Variants in CACNB4 observed in about 807,000 individuals in gnomAD.
The protein encoded by CACNB4 is calcium voltage-gated channel auxiliary subunit beta 4, also known as voltage-dependent L-type calcium channel subunit beta-4.
A neutral mutation model predicts 71.2 loss-of-function variants in CACNB4; 32 were observed. That is an observed-to-expected ratio of 0.45 (90% CI 0.34 to 0.60). The LOEUF (loss-of-function observed/expected upper bound fraction) is 0.60. Among genes scored for constraint, CACNB4 ranks in the 20% least tolerant of loss-of-function variants. The pLI, the probability that CACNB4 is intolerant of heterozygous loss-of-function variation, is 0.01. For synonymous variants in CACNB4, 231 were observed against 236.9 expected (o/e 0.97, Z 0.23); for missense variants, 464 against 647.9 (o/e 0.72, Z 3.08).
chr2:152,011,655 T>C (rs1195077851), intron 2 of CACNB4, among the ~76,000 whole-genome samples: 2 of 152,202 alleles, frequency 1.3e-5, no homozygotes, highest in Non-Finnish European at 2.9e-5. Flanking sequence ...GCTTCTTTCT[T>C]TGGAATCCCA....
chr2:151,988,817 G>A (rs1456419263), intron 2 of CACNB4, among the ~76,000 whole-genome samples: 1 of 152,016 alleles, frequency 6.6e-6, no homozygotes, highest in Non-Finnish European at 1.5e-5. Context: ...CATCACTTTG[G>A]GCATTAAGAT....
chr2:151,872,340 A>G lies in CACNB4; in HGVS notation c.598+77T>C, dbSNP rs143589003. The G allele has an allele frequency of 5.2e-4, 419 of 799,852 alleles. 1 individual carries two copies. The African/African-American group carries it at 6.5e-3, about 12-fold the overall frequency. 49.5% of individuals were successfully genotyped at this position (799,852 alleles called of 1,614,324 possible). A position where few individuals can be genotyped will look rare whatever the true frequency, so the allele number is the denominator to read the frequency against. ...GCCTTCAAATTGTTTCCAAATTAGC[A>G]AAACTACTTGCATGTGTGTTCAAAT... On this transcript the variant is annotated intron_variant, in intron 6 of 13. Transcript: ENST00000539935.
Position 151,837,871 on chromosome 2 carries a change from CTA to C in CACNB4, c.*1246_*1247del, listed in dbSNP as rs1178879024. On this transcript the variant is annotated 3_prime_UTR_variant, in exon 14 of 14. Transcript: ENST00000539935. ...TTTAGTCAACAAATATTTGCTGAAT[CTA>C]TGAGTTTATTTTTTACTGCAAGCTT... 4 of 152,114 alleles carry C rather than the reference CTA, an allele frequency of 2.6e-5. No individual in the cohort carries two copies. Among genetic ancestry groups the C allele is most frequent in the Admixed American group, 6.5e-5 (1 of 15,270 alleles). 9.4% of individuals were successfully genotyped at this position (152,114 alleles called of 1,614,324 possible).
chr2:151,897,504 C>G (rs935742601), intron 2 of CACNB4, among the ~76,000 whole-genome samples: 2 of 152,084 alleles, frequency 1.3e-5, no homozygotes, highest in Non-Finnish European at 2.9e-5. Context: ...TTGTTGGAAA[C>G]TTTTTTGGAC....
chr2:151,875,362 G>C (rs1382909757), intron 5 of CACNB4, among the ~76,000 whole-genome samples: 3 of 150,048 alleles, frequency 2.0e-5, no homozygotes, highest in African/African-American at 4.9e-5. Context: ...TCTTAGTACA[G>C]AACAAAATGA....
chr2:151,965,746 T>C (rs74786141), intron 2 of CACNB4, among the ~76,000 whole-genome samples: 1 of 151,936 alleles, frequency 6.6e-6, no homozygotes, highest in Admixed American at 6.5e-5. Flanking sequence ...GATTTTTTTT[T>C]TTAGAGATGA....
At position 151,892,877 on chromosome 2, in the gene CACNB4, A is replaced by G. The variant is rs150193257; in HGVS notation, c.148-9507T>C. Among the ~76,000 whole-genome samples, 119 of 152,348 alleles carry G rather than the reference A, an allele frequency of 7.8e-4. 2 individuals are homozygous for G. The East Asian group carries it at 0.022, about 29-fold the overall frequency. On this transcript the variant is annotated intron_variant, in intron 2 of 13. Transcript: ENST00000539935. ...AAGGGTGTACACTCTTCCTGCCTCC[A>G]GGGGTTGCTGGAAATTATGTAGGAA...
intron 2 of CACNB4, among the ~76,000 whole-genome samples, chr2:151,994,551 G>A (rs1431325924): frequency 2.0e-5 from 3 of 151,796 alleles, no homozygotes; most frequent in African/African-American, 4.8e-5. Flanking sequence ...TCACTCTGTC[G>A]CCCAGGCTGG....
At chr2:152,060,971 C>T (rs988922956) in intron 2 of CACNB4, among the ~76,000 whole-genome samples, 11 of 152,138 alleles carry the variant, frequency 7.2e-5, no homozygotes, top group African/African-American at 2.7e-4. Context: ...TTCTGTGTTT[C>T]ACAGATGTTT....
intron 2 of CACNB4, among the ~76,000 whole-genome samples, chr2:151,960,998 T>C (rs188916487): frequency 7.5e-4 from 114 of 152,366 alleles, no homozygotes; most frequent in African/African-American, 2.4e-3. Flanking sequence ...GGGGTCTGTT[T>C]TAGCTTGACT....
rs56918436 is a variant in CACNB4 at position 151,988,058 on chromosome 2, G to A, written c.148-104688C>T. 1.4e-3 allele frequency among the ~76,000 whole-genome samples: 214 copies of A among 152,178 alleles called. 1 individual carries two copies. Among genetic ancestry groups the A allele is most frequent in the African/African-American group, 4.9e-3 (205 of 41,518 alleles). On this transcript the variant is annotated intron_variant, in intron 2 of 13. Coordinates refer to ENST00000539935, the MANE Select transcript of CACNB4 (RefSeq NM_000726.5). ...AACTGAAATACTTTTTTTAAGATCT[G>A]AAGCTTAAGATGAAAACACATTGTT...
intron 12 of CACNB4, among the ~76,000 whole-genome samples, chr2:151,849,570 C>G (rs569686169): frequency 1.3e-5 from 2 of 152,164 alleles, no homozygotes; most frequent in Non-Finnish European, 2.9e-5. Flanking sequence ...ACCATGCACC[C>G]AGCTCTTTGT....
Position 151,914,556 on chromosome 2 carries a change from C to T in CACNB4, c.148-31186G>A, listed in dbSNP as rs994607135. On this transcript the variant is annotated intron_variant, in intron 2 of 13. Transcript: ENST00000539935. The stretch of plus-strand genomic sequence containing the variant: ...ATTTGGAAGAGAAGAGGCACTCTTG[C>T]CTTTTGGGTTTTCAGCATTTTTCAT... 2.6e-5 allele frequency among the ~76,000 whole-genome samples: 4 copies of T among 152,114 alleles called. No individual in the cohort carries two copies. In the South Asian group the frequency reaches 8.3e-4, roughly 31 times the overall value.
chr2:151,904,870 C>T (rs1295324549), intron 2 of CACNB4, among the ~76,000 whole-genome samples: 1 of 152,172 alleles, frequency 6.6e-6, no homozygotes, highest in Non-Finnish European at 1.5e-5. Flanking sequence ...GAAATAAATA[C>T]AGTCCATTTA....
chr2:152,054,785 C>T (rs1685640932), intron 2 of CACNB4, among the ~76,000 whole-genome samples: 1 of 152,100 alleles, frequency 6.6e-6, no homozygotes, highest in Non-Finnish European at 1.5e-5. Context: ...AGTGGCATGT[C>T]ATTGTGGTTT....
chr2:151,985,111 G>A (rs904753013), intron 2 of CACNB4, among the ~76,000 whole-genome samples: 2 of 152,094 alleles, frequency 1.3e-5, no homozygotes, highest in African/African-American at 4.8e-5. Context: ...AAGTGGTATT[G>A]CAGAAAACTT....
intron 2 of CACNB4, among the ~76,000 whole-genome samples, chr2:151,941,603 GA>G (rs533001988): frequency 0.016 from 2,284 of 142,838 alleles, 37 homozygotes; most frequent in Non-Finnish European, 0.021. Flanking sequence ...TTTGAAAAGG[GA>G]AAAAAAAAAA....
At chr2:151,910,584 G>A (rs1379806686) in intron 2 of CACNB4, among the ~76,000 whole-genome samples, 1 of 152,136 alleles carries the variant, frequency 6.6e-6, no homozygotes, top group Non-Finnish European at 1.5e-5. Flanking sequence ...GCTTGTTTTT[G>A]TCAGGTTTGT....
intron 2 of CACNB4, among the ~76,000 whole-genome samples, chr2:151,886,963 T>C (rs186394601): frequency 6.6e-6 from 1 of 152,296 alleles, no homozygotes. Context: ...GGAAACTCCC[T>C]GGGCCTGACC....
Sources: allele counts gnomAD v4.1 joint callset (sites outside exome capture counted in the v4.1 genomes callset), GRCh38; gene constraint gnomAD v4.1.1; transcripts MANE v1.5; gene names NCBI Gene and HGNC (gene_info 2026-07-23, HGNC 2026-07-21).